Variants in KCNS2 observed in about 807,000 individuals in gnomAD.
KCNS2 encodes delayed-rectifier potassium channel regulatory subunit KCNS2.
A neutral mutation model predicts 28.3 loss-of-function variants in KCNS2; 15 were observed. The observed-to-expected ratio is 0.53, with a 90% CI of 0.35 to 0.82. The LOEUF (loss-of-function observed/expected upper bound fraction) is 0.82. Ranked by LOEUF, KCNS2 falls within the 40% of genes least tolerant of loss-of-function variation. The pLI, the probability that KCNS2 is intolerant of heterozygous loss-of-function variation, is 0.01. For missense variants in KCNS2, 501 were observed against 617.1 expected, an observed-to-expected ratio of 0.81 and a Z score of 1.99; for synonymous variants, 254 against 256.7, an observed-to-expected ratio of 0.99 and a Z score of 0.10.
Position 98,428,122 on chromosome 8 carries a change from T to C in KCNS2, c.143T>C (p.Leu48Pro). Residue 48 changes from leucine to proline, a missense_variant, in exon 2 of 2, where the codon CTC becomes CCC. Leu to Pro is a moderately conservative substitution (Grantham distance 98, BLOSUM62 -3). Transcript: ENST00000287042. The surrounding 1 kb of genome is among the most constrained non-coding windows in gnomAD (Gnocchi z 6.7). The part of the protein sequence containing the change: ...FPETRLGRLL[L>P]CHSREAILEL... ...GAGACGCGCCTGGGCCGCTTGCTGC[T>C]CTGCCACTCGCGCGAGGCCATTCTG... is the stretch of plus-strand genomic sequence containing the variant. 1 of 1,613,916 alleles carries C rather than the reference T, an allele frequency of 6.2e-7. No individual in the cohort carries two copies. The highest frequency in any genetic ancestry group is 8.5e-7 in the Non-Finnish European group (1 of 1,180,002).
intron 1 of KCNS2, chr8:98,427,694 G>C (rs561564931): frequency 6.6e-4 from 192 of 292,692 alleles, no homozygotes; most frequent in African/African-American, 3.3e-3. Flanking sequence ...TCAGAGCCGC[G>C]GGGACGCGAC....
chr8:98,429,654 G>A lies in KCNS2; in HGVS notation c.*241G>A. 2.0e-6 allele frequency: 1 copy of A among 492,122 alleles called. No homozygotes were observed. The highest frequency in any genetic ancestry group is 3.7e-6 in the Non-Finnish European group (1 of 272,314). 30.5% of individuals were successfully genotyped at this position (492,122 alleles called of 1,614,324 possible). A position where few individuals can be genotyped will look rare whatever the true frequency, so the allele number is the denominator to read the frequency against. ...GACACTCACTGGTCTTTGCATCGTG[G>A]GCATAAAATGTTCACCTTTTTGCCA... On this transcript the variant is annotated 3_prime_UTR_variant, in exon 2 of 2. Coordinates refer to ENST00000287042, the MANE Select transcript of KCNS2 (RefSeq NM_020697.4).
chr8:98,428,254 T>C lies in KCNS2; in HGVS notation c.275T>C (p.Val92Ala), dbSNP rs757398784. The change falls in exon 2 of 2, where the codon GTC becomes GCC. Residue 92 changes from valine (V) to alanine (A), a missense_variant. Coordinates refer to ENST00000287042, the MANE Select transcript of KCNS2 (RefSeq NM_020697.4). This position sits in a 1 kb window ranked among gnomAD's most constrained non-coding sequence, Gnocchi z 6.7. ...TTCTATCACACCGGCAAGCTTCACGTCATGGCTGAGCTATGTGTCTTCTCC... is the reference window on the plus strand; with the variant it reads ...TTCTATCACACCGGCAAGCTTCACGCCATGGCTGAGCTATGTGTCTTCTCC... The part of the protein sequence containing the change: ...LHFYHTGKLH[V>A]MAELCVFSFS... 3 of 1,614,144 alleles carry C rather than the reference T, an allele frequency of 1.9e-6. No homozygotes were observed. The highest frequency in any genetic ancestry group is 2.5e-6 in the Non-Finnish European group (3 of 1,180,030).
chr8:98,428,645 C>A lies in KCNS2; in HGVS notation c.666C>A (p.Gly222=). ...FQIPDSQGNP[G]EDPRFEIVEH... Reference sequence around the variant, plus strand: ...TCCCTGACAGCCAGGGCAACCCTGGCGAGGACCCTAGGTTCGAAATCGTGG... The same window carrying A: ...TCCCTGACAGCCAGGGCAACCCTGGAGAGGACCCTAGGTTCGAAATCGTGG... The change falls in exon 2 of 2, where the codon GGC becomes GGA. Residue 222 remains glycine (G), a synonymous_variant. Coordinates refer to ENST00000287042, the MANE Select transcript of KCNS2 (RefSeq NM_020697.4). This position sits in a 1 kb window ranked among gnomAD's most constrained non-coding sequence, Gnocchi z 6.7. 1 of 1,614,192 alleles carries A rather than the reference C, an allele frequency of 6.2e-7. No homozygotes were observed. Among genetic ancestry groups the A allele is most frequent in the Non-Finnish European group, 8.5e-7 (1 of 1,180,032 alleles).
In KCNS2 at chr8:98,428,220, G is replaced by A. The variant is rs753185856; in HGVS notation, c.241G>A (p.Val81Met). ...FDRNPELFPY[V>M]LHFYHTGKLH... ...CCGCAACCCTGAGCTCTTCCCCTAC[G>A]TGCTGCATTTCTATCACACCGGCAA... The change falls in exon 2 of 2, where the codon GTG (valine) becomes ATG (methionine). Residue 81 changes from valine (V) to methionine (M), a missense_variant. Val to Met is a conservative substitution (Grantham distance 21). Coordinates refer to ENST00000287042, the MANE Select transcript of KCNS2 (RefSeq NM_020697.4). This position sits in a 1 kb window ranked among gnomAD's most constrained non-coding sequence, Gnocchi z 6.7. 3 of 1,614,066 alleles carry A rather than the reference G, an allele frequency of 1.9e-6. No individual in the cohort carries two copies. The highest frequency in any genetic ancestry group is 1.7e-6 in the Non-Finnish European group (2 of 1,180,016).
intron 1 of KCNS2, chr8:98,427,574 G>GGCCCT (rs1185963542): frequency 1.7e-5 from 2 of 116,182 alleles, no homozygotes; most frequent in Admixed American, 1.0e-4. Flanking sequence ...GTGTCGGCCC[G>GGCCCT]GCCCTGCCCG....
chr8:98,430,956 G>C lies in KCNS2; in HGVS notation c.*1543G>C, dbSNP rs982160174. ...CATAACATTGTGATGGGGAACCTGGGTTCCTCTATAAGATAATTCTTCTCC... is the reference window on the plus strand; with the variant it reads ...CATAACATTGTGATGGGGAACCTGGCTTCCTCTATAAGATAATTCTTCTCC... On this transcript the variant is annotated 3_prime_UTR_variant, in exon 2 of 2. Transcript: ENST00000287042. 4.2e-5 allele frequency: 7 copies of C among 167,054 alleles called. No homozygotes were observed. Among genetic ancestry groups the C allele is most frequent in the Non-Finnish European group, 1.0e-4 (7 of 68,102 alleles). 10.3% of individuals were successfully genotyped at this position (167,054 alleles called of 1,614,324 possible).
rs776549764 is a variant in KCNS2, at chr8:98,430,952, C to A, written c.*1539C>A. The A allele has an allele frequency of 6.0e-6, 1 of 167,066 alleles. No individual in the cohort carries two copies. The highest frequency in any genetic ancestry group is 2.4e-5 in the African/African-American group (1 of 41,446). The allele number at this position is 167,066 out of a possible 1,614,324, so 10.3% of individuals were successfully genotyped here. ...AGCACATAACATTGTGATGGGGAAC[C>A]TGGGTTCCTCTATAAGATAATTCTT... is the stretch of plus-strand genomic sequence containing the variant. On this transcript the variant is annotated 3_prime_UTR_variant, in exon 2 of 2. Coordinates refer to ENST00000287042, the MANE Select transcript of KCNS2 (RefSeq NM_020697.4).
At position 98,431,995 on chromosome 8, in the gene KCNS2, G is replaced by A. The variant is rs1818341257; in HGVS notation, c.*2582G>A. ...GAACAACCCGGCTGGCTTAAACCCT[G>A]GAGCTAATTCCCACAAGGAATGTAG... On this transcript the variant is annotated 3_prime_UTR_variant, in exon 2 of 2. Transcript: ENST00000287042. 1 of 167,070 alleles carries A rather than the reference G, an allele frequency of 6.0e-6. No individual in the cohort carries two copies. Among genetic ancestry groups the A allele is most frequent in the African/African-American group, 2.4e-5 (1 of 41,448 alleles). 10.3% of individuals were successfully genotyped at this position (167,070 alleles called of 1,614,324 possible).
Position 98,429,358 on chromosome 8 carries a change from C to A in KCNS2, c.1379C>A (p.Thr460Lys). 6.2e-7 allele frequency: 1 copy of A among 1,614,050 alleles called. No individual in the cohort carries two copies. Among genetic ancestry groups the A allele is most frequent in the African/African-American group, 1.3e-5 (1 of 75,042 alleles). The change falls in exon 2 of 2, where the codon ACG becomes AAG. Residue 460 changes from threonine (T) to lysine (K), a missense_variant. Coordinates refer to ENST00000287042, the MANE Select transcript of KCNS2 (RefSeq NM_020697.4). ...GTTAAATCCCTTATGGCAAGCCTGA[C>A]GAACATGAGCAGGAGCTCACCAAGT... The part of the protein sequence containing the change: ...HKVKSLMASL[T>K]NMSRSSPSEL...
Position 98,427,057 on chromosome 8 carries a change from G to A in KCNS2, c.-315G>A, listed in dbSNP as rs1818244907. ...ATGCGGCGCGGGTTCCTGCCTCTCT[G>A]GGTGGGTGAGGGGCGCGCGGATCCG... On this transcript the variant is annotated 5_prime_UTR_variant, in exon 1 of 2. An upstream open reading frame in the 5' UTR gains an earlier in-frame stop. Coordinates refer to ENST00000287042, the MANE Select transcript of KCNS2 (RefSeq NM_020697.4). 6.6e-6 allele frequency: 1 copy of A among 150,584 alleles called. No homozygotes were observed. Among genetic ancestry groups the A allele is most frequent in the African/African-American group, 2.4e-5 (1 of 41,248 alleles). 9.3% of individuals were successfully genotyped at this position (150,584 alleles called of 1,614,324 possible). A position where few individuals can be genotyped will look rare whatever the true frequency, so the allele number is the denominator to read the frequency against.
chr8:98,429,512 C>T lies in KCNS2; in HGVS notation c.*99C>T, dbSNP rs532766493. 22 of 847,252 alleles carry T rather than the reference C, an allele frequency of 2.6e-5. No individual in the cohort carries two copies. The East Asian group carries it at 5.3e-4, about 20-fold the overall frequency. 52.5% of individuals were successfully genotyped at this position (847,252 alleles called of 1,614,324 possible). A position where few individuals can be genotyped will look rare whatever the true frequency, so the allele number is the denominator to read the frequency against. On this transcript the variant is annotated 3_prime_UTR_variant, in exon 2 of 2. Coordinates refer to ENST00000287042, the MANE Select transcript of KCNS2 (RefSeq NM_020697.4). Reference sequence around the variant, plus strand: ...TATGGTTATGGTGTAAGGAGTATGCCCAGCCCCTGAGGGGAGAGATGCATG... The same window carrying T: ...TATGGTTATGGTGTAAGGAGTATGCTCAGCCCCTGAGGGGAGAGATGCATG...
rs759288243 is a variant in KCNS2 at position 98,429,182 on chromosome 8, G to T, written c.1203G>T (p.Val401=). ...CCTGCATCTTGGCAGGCATCCTCGT[G>T]GTGGTCCTGCCCATCACCTTGATCT... ...ASACILAGIL[V]VVLPITLIFN... Residue 401 remains valine (V), a synonymous_variant, in exon 2 of 2, where the codon GTG becomes GTT. Transcript: ENST00000287042. 6.2e-7 allele frequency: 1 copy of T among 1,613,832 alleles called. No homozygotes were observed. Among genetic ancestry groups the T allele is most frequent in the South Asian group, 1.1e-5 (1 of 91,066 alleles).
Position 98,428,520 on chromosome 8 carries a change from G to A in KCNS2, c.541G>A (p.Gly181Ser), listed in dbSNP as rs942498856. The A allele has an allele frequency of 3.7e-6, 6 of 1,613,986 alleles. No individual in the cohort carries two copies. In the East Asian group the frequency reaches 6.7e-5, roughly 18 times the overall value. ...RQLWLALDNPGYSVLSRVFSI... is the reference protein window; with the variant it reads ...RQLWLALDNPSYSVLSRVFSI... ...GCTGTGGCTGGCGCTGGACAACCCCGGCTACTCAGTGCTGAGCAGGGTCTT... is the reference window on the plus strand; with the variant it reads ...GCTGTGGCTGGCGCTGGACAACCCCAGCTACTCAGTGCTGAGCAGGGTCTT... Residue 181 changes from glycine (G) to serine (S), a missense_variant, in exon 2 of 2, where the codon GGC becomes AGC. Coordinates refer to ENST00000287042, the MANE Select transcript of KCNS2 (RefSeq NM_020697.4). The surrounding 1 kb of genome is among the most constrained non-coding windows in gnomAD (Gnocchi z 6.7).
rs766499929 is a variant in KCNS2 at position 98,427,986 on chromosome 8, G to A, written c.7G>A (p.Gly3Ser). 1 of 1,540,842 alleles carries A rather than the reference G, an allele frequency of 6.5e-7. No individual in the cohort carries two copies. Among genetic ancestry groups the A allele is most frequent in the Admixed American group, 2.0e-5 (1 of 50,658 alleles). The change falls in exon 2 of 2, where the codon GGC (glycine) becomes AGC (serine). Residue 3 changes from glycine to serine, a missense_variant. By Grantham distance (56) the Gly-to-Ser change is moderately conservative (BLOSUM62 0). Transcript: ENST00000287042. MT[G>S]QSLWDVSEAN... ...GGCGGCCGGCGCCTCCAGCATGACC[G>A]GCCAGAGCCTGTGGGACGTGTCGGA...
rs548149208 is a variant in KCNS2, at chr8:98,427,569, G to C, written c.-43+240G>C. On this transcript the variant is annotated intron_variant, in intron 1 of 1. Coordinates refer to ENST00000287042, the MANE Select transcript of KCNS2 (RefSeq NM_020697.4). ...ACCAAAGCTACGCGCCCCCCGTGTCGGCCCGGCCCTGCCCGTGCGTATCTC... is the reference window on the plus strand; with the variant it reads ...ACCAAAGCTACGCGCCCCCCGTGTCCGCCCGGCCCTGCCCGTGCGTATCTC... The C allele has an allele frequency of 4.5e-5, 6 of 134,184 alleles. No homozygotes were observed. In the East Asian group the frequency reaches 1.3e-3, roughly 29 times the overall value. 8.3% of individuals were successfully genotyped at this position (134,184 alleles called of 1,614,324 possible). A position where few individuals can be genotyped will look rare whatever the true frequency, so the allele number is the denominator to read the frequency against.
In KCNS2 at chr8:98,428,051, C is replaced by T. The variant is rs151175046; in HGVS notation, c.72C>T (p.Gly24=). ...ACGGGGAGATCCGCATCAATGTGGG[C>T]GGCTTCAAGAGGAGGCTGCGCTCGC... ...VEDGEIRINV[G]GFKRRLRSHT... is the part of the protein sequence containing the mutation. Residue 24 remains glycine (G), a synonymous_variant, in exon 2 of 2, where the codon GGC becomes GGT. Coordinates refer to ENST00000287042, the MANE Select transcript of KCNS2 (RefSeq NM_020697.4). The surrounding 1 kb of genome is among the most constrained non-coding windows in gnomAD (Gnocchi z 6.7). 157 of 1,611,846 alleles carry T rather than the reference C, an allele frequency of 9.7e-5. No homozygotes were observed. In the African/African-American group the frequency reaches 2.0e-3, roughly 21 times the overall value.
chr8:98,427,868 A>C, intron 1 of KCNS2, 70 bp from the exon 2 acceptor site: 15 of 814,618 alleles, frequency 1.8e-5, no homozygotes, highest in Non-Finnish European at 2.5e-5. Flanking sequence ...GCCCGCCAGT[A>C]ATGGGTAGGG....
In KCNS2 at chr8:98,427,149, G is replaced by C. The variant is rs1428759809; in HGVS notation, c.-223G>C. ...TGAGCCTTCGGCAGCTGCGGGCGGC[G>C]GCGGCGTACCCGGCCCGAGACGGGA... On this transcript the variant is annotated 5_prime_UTR_variant, in exon 1 of 2. Coordinates refer to ENST00000287042, the MANE Select transcript of KCNS2 (RefSeq NM_020697.4). The C allele has an allele frequency of 6.7e-6, 1 of 150,366 alleles. No individual in the cohort carries two copies. The highest frequency in any genetic ancestry group is 2.4e-5 in the African/African-American group (1 of 41,238). 9.3% of individuals were successfully genotyped at this position (150,366 alleles called of 1,614,324 possible). A position where few individuals can be genotyped will look rare whatever the true frequency, so the allele number is the denominator to read the frequency against.
Sources: gnomAD v4.1 joint callset for allele counts on GRCh38, gnomAD v4.1.1 for gene constraint, Gnocchi (gnomAD v3.1) non-coding constraint, MANE v1.5 for transcripts, NCBI Gene and HGNC (gene_info 2026-07-23, HGNC 2026-07-21) for gene names.